ADGRG5: variants seen among roughly 807,000 people sequenced by gnomAD.
The protein encoded by ADGRG5 is G protein-coupled receptor 114.
Under a neutral mutation model 53.2 loss-of-function variants are expected in ADGRG5, and 37 were observed. The ratio of observed to expected loss-of-function variants is 0.70; its 90% CI spans 0.53 to 0.91. ADGRG5 has a LOEUF of 0.91. Ranked by LOEUF, ADGRG5 falls within the 40% of genes least tolerant of loss-of-function variation. The pLI is 0.00. For synonymous variants in ADGRG5, 277 were observed against 290.4 expected, an observed-to-expected ratio of 0.95 and a Z score of 0.47; for missense variants, 614 against 675.8, an observed-to-expected ratio of 0.91 and a Z score of 1.01.
At chr16:57,529,280 C>T in the ADGRG5 span, 2 of 1,117,544 alleles carry the variant, frequency 1.8e-6, no homozygotes, top group Non-Finnish European at 2.2e-6. The surrounding 1 kb of genome is among the most constrained non-coding windows in gnomAD (Gnocchi z 4.1). Context: ...TGACGCCGTG[C>T]CCCGCTTCCC....
chr16:57,573,042 T>C (rs2033404200), intron 10 of ADGRG5, among the ~76,000 whole-genome samples: 1 of 152,164 alleles, frequency 6.6e-6, no homozygotes, highest in Non-Finnish European at 1.5e-5. Flanking sequence ...GATTATGTAC[T>C]TGCCTTATGG....
intron 1 of ADGRG5, among the ~76,000 whole-genome samples, chr16:57,545,243 T>G (rs1219997529): frequency 2.6e-5 from 4 of 152,210 alleles, no homozygotes; most frequent in Admixed American, 2.6e-4. Context: ...AAAATTCATG[T>G]TAAGAAAAAT....
rs748110760 is a variant in ADGRG5, at chr16:57,570,467, A to G, written c.1140A>G (p.Val380=). The G allele has an allele frequency of 4.6e-5, 74 of 1,613,468 alleles. No homozygotes were observed. The highest frequency in any genetic ancestry group is 5.8e-5 in the Non-Finnish European group (68 of 1,179,970). Residue 380 remains valine, a synonymous_variant, in exon 10 of 12, where the codon GTA becomes GTG. Transcript: ENST00000349457. The stretch of plus-strand genomic sequence containing the variant: ...TTTCCCTCTCTGTCAAGAGCTCGGT[A>G]TACGGACCCTGCACAATCCCCGTCT... The part of the protein sequence containing the change: ...VLLSLSVKSS[V]YGPCTIPVFD...
intron 1 of ADGRG5, among the ~76,000 whole-genome samples, chr16:57,557,365 C>G (rs558717401): frequency 6.6e-6 from 1 of 152,288 alleles, no homozygotes; most frequent in South Asian, 2.1e-4. Flanking sequence ...TACAATGGCT[C>G]TTTTCTCTGG....
At chr16:57,536,679 G>GCCCCGCTGTGA in the ADGRG5 span, 3 of 152,140 alleles carry the variant, frequency 2.0e-5, no homozygotes, top group African/African-American at 7.2e-5. Context: ...GCAGGCTGCG[G>GCCCCGCTGTGA]CCCCGCTGTG....
chr16:57,570,615 C>G (rs1019565786), intron 10 of ADGRG5, 80 bp downstream of exon 10: 22 of 1,033,376 alleles, frequency 2.1e-5, no homozygotes, highest in Middle Eastern at 2.0e-4. Context: ...AATGGAATAT[C>G]CTGTAGGCAA....
intron 1 of ADGRG5, among the ~76,000 whole-genome samples, chr16:57,549,982 ATT>A (rs58802843): frequency 2.7e-5 from 4 of 150,222 alleles, no homozygotes; most frequent in African/African-American, 4.9e-5. Flanking sequence ...GCATCTATAC[ATT>A]TTTTTTTTTA....
At chr16:57,552,899 T>C (rs1467634130) in intron 1 of ADGRG5, among the ~76,000 whole-genome samples, 1 of 152,166 alleles carries the variant, frequency 6.6e-6, no homozygotes. Context: ...TGTAGAGTTA[T>C]TCATTGTTCT....
rs1482576897 is a variant in ADGRG5 at position 57,570,414 on chromosome 16, T to G, written c.1091-4T>G. 5 of 1,608,320 alleles carry G rather than the reference T, an allele frequency of 3.1e-6. No individual in the cohort carries two copies. The South Asian group carries it at 3.3e-5, about 11-fold the overall frequency. ...ATCTCCTGAGCCTTTGTCCCACCCCTCAGGGGCCCCAGCCCTCCTGGTGCT... is the reference window on the plus strand; with the variant it reads ...ATCTCCTGAGCCTTTGTCCCACCCCGCAGGGGCCCCAGCCCTCCTGGTGCT... On this transcript the variant is annotated splice_region_variant and splice_polypyrimidine_tract_variant and intron_variant, in intron 9 of 11. Coordinates refer to ENST00000349457, the MANE Select transcript of ADGRG5 (RefSeq NM_001304376.3).
rs754979215 is a variant in ADGRG5 at position 57,563,877 on chromosome 16, C to G, written c.327C>G (p.His109Gln). 2.5e-6 allele frequency: 4 copies of G among 1,613,988 alleles called. No homozygotes were observed. In the South Asian group the frequency reaches 4.4e-5, roughly 18 times the overall value. The change falls in exon 5 of 12, where the codon CAC becomes CAG. Residue 109 changes from histidine (H) to glutamine (Q), a missense_variant. Physicochemically the swap from His to Gln is conservative, Grantham distance 24 (BLOSUM62 0). Transcript: ENST00000349457. ...GAGGTCAGCATGCCCGGGGTCAGCA[C>G]GCCATGCAGTTCCCCGCCGAGCTGA... ...QAGGQHARGQ[H>Q]AMQFPAELTR... is the part of the protein sequence containing the mutation.
In ADGRG5 at chr16:57,549,511, TTCCTCTTCTTCA is replaced by T. The variant is rs533535405; in HGVS notation, c.-39+6818_-39+6829del. Among the ~76,000 whole-genome samples, 19 of 152,360 alleles carry T rather than the reference TTCCTCTTCTTCA, an allele frequency of 1.2e-4. No homozygotes were observed. In the South Asian group the frequency reaches 3.9e-3, roughly 32 times the overall value. ...AGTTCTCTTGCCCTCCCTCCCCTAT[TTCCTCTTCTTCA>T]TCCTCTTAATATGTTTTTTGATTGG... is the stretch of plus-strand genomic sequence containing the variant. On this transcript the variant is annotated intron_variant, in intron 1 of 11. Transcript: ENST00000349457.
At chr16:57,531,309 C>T in the ADGRG5 span, among the ~76,000 whole-genome samples, 1 of 151,310 alleles carries the variant, frequency 6.6e-6, no homozygotes, top group African/African-American at 2.4e-5. Context: ...CACTTCCTCA[C>T]TCCTTCCAGC....
Position 57,564,026 on chromosome 16 carries a change from G to A in ADGRG5, c.429+47G>A, listed in dbSNP as rs367797645. On this transcript the variant is annotated intron_variant, in intron 5 of 11. Coordinates refer to ENST00000349457, the MANE Select transcript of ADGRG5 (RefSeq NM_001304376.3). ...GGAGGGTGGGTGCCGGCCCCTTCTT[G>A]GGATCCACTGCAGGTGCCCATGTCA... 4.7e-5 allele frequency: 75 copies of A among 1,585,786 alleles called. No individual in the cohort carries two copies. The South Asian group carries it at 8.2e-4, about 17-fold the overall frequency.
intron 1 of ADGRG5, among the ~76,000 whole-genome samples, chr16:57,548,804 A>AT (rs1365520413): frequency 7.0e-6 from 1 of 142,292 alleles, no homozygotes; most frequent in Admixed American, 7.2e-5. Context: ...TTAGAAATTC[A>AT]TTTTTTTAAC....
At chr16:57,565,178 C>T in intron 6 of ADGRG5, 28 bp downstream of exon 6, 2 of 1,330,998 alleles carry the variant, frequency 1.5e-6, no homozygotes, top group South Asian at 1.2e-5. Context: ...CCCGTTTCCA[C>T]TGCACCCCTG....
chr16:57,534,379 G>A, the ADGRG5 span, among the ~76,000 whole-genome samples: 1 of 152,218 alleles, frequency 6.6e-6, no homozygotes, highest in Admixed American at 6.5e-5. Flanking sequence ...CTTGCTGCAG[G>A]CTAGGCCCTC....
intron 1 of ADGRG5, among the ~76,000 whole-genome samples, chr16:57,560,009 T>C (rs2032965582): frequency 1.3e-5 from 2 of 152,258 alleles, no homozygotes; most frequent in African/African-American, 4.8e-5. Flanking sequence ...ATTTATAAAC[T>C]TCGGTAAGAC....
chr16:57,530,743 T>C, the ADGRG5 span, among the ~76,000 whole-genome samples: 5 of 151,988 alleles, frequency 3.3e-5, no homozygotes, highest in African/African-American at 1.2e-4. Flanking sequence ...CCAGGGGTCT[T>C]ACCCCTGCTG....
chr16:57,536,193 T>G, the ADGRG5 span, among the ~76,000 whole-genome samples: 1,402 of 151,986 alleles, frequency 9.2e-3, 55 homozygotes, highest in Admixed American at 0.07. Context: ...AGTCCCAAAT[T>G]CCGTCCCCGC....
Sources: allele counts gnomAD v4.1 joint callset (sites outside exome capture counted in the v4.1 genomes callset), GRCh38; gene constraint gnomAD v4.1.1; non-coding constraint Gnocchi (gnomAD v3.1); transcripts MANE v1.5; gene names NCBI Gene and HGNC (gene_info 2026-07-23, HGNC 2026-07-21).